The following ANO4 variants were observed in gnomAD, a reference collection of about 807,000 sequenced individuals.
ANO4 encodes the protein anoctamin 4, also known as anoctamin-4.
Under a neutral mutation model 141.9 loss-of-function variants are expected in ANO4, and 69 were observed. The observed-to-expected ratio is 0.49, with a 90% CI of 0.40 to 0.59. The LOEUF (loss-of-function observed/expected upper bound fraction) is 0.59, where lower values mean the gene tolerates loss of function less well. Among genes scored for constraint, ANO4 ranks in the 20% least tolerant of loss-of-function variants. The probability of loss-of-function intolerance (pLI) is 0.00; values close to 1 mark genes in which losing one functional copy is unlikely to be tolerated. For missense variants in ANO4, 894 were observed against 1,162.2 expected, an observed-to-expected ratio of 0.77 and a Z score of 3.36; for synonymous variants, 350 against 394.3, an observed-to-expected ratio of 0.89 and a Z score of 1.33.
chr12:101,073,152 A>G (rs2048888887), intron 14 of ANO4, among the ~76,000 whole-genome samples: 1 of 152,182 alleles, frequency 6.6e-6, no homozygotes, highest in Non-Finnish European at 1.5e-5. Context: ...TTGCGGCACT[A>G]TTCACAATAG....
chr12:101,067,233 G>A (rs1307539576), intron 14 of ANO4, among the ~76,000 whole-genome samples: 2 of 152,164 alleles, frequency 1.3e-5, no homozygotes, highest in Non-Finnish European at 2.9e-5. Context: ...TTGAGGTAAT[G>A]CATACAGGCT....
rs750104788 is a variant in ANO4, at chr12:101,127,058, C to T, written c.2856C>T (p.Asn952=). The T allele has an allele frequency of 1.4e-5, 23 of 1,612,928 alleles. No individual in the cohort carries two copies. The highest frequency in any genetic ancestry group is 5.0e-5 in the Admixed American group (3 of 59,812). ...AGAAGAATGGAAAAGCACACCACAA[C>T]GAGTGGCCGTGACCATGTAGGTGAG... The part of the protein sequence containing the change: ...ERKKNGKAHH[N]EWP The change falls in exon 27 of 28, where the codon AAC becomes AAT. Residue 952 remains asparagine (N), a synonymous_variant. Coordinates refer to ENST00000392977, the MANE Select transcript of ANO4 (RefSeq NM_001286615.2).
At chr12:100,794,214 T>C (rs2034164406), upstream of ANO4, among the ~76,000 whole-genome samples, 1 of 152,126 alleles carries the variant, frequency 6.6e-6, no homozygotes, top group South Asian at 2.1e-4. Context: ...ACTTTGGGCA[T>C]AAAGAAGCTT....
chr12:100,981,449 A>AGGAC (rs2044456047), intron 7 of ANO4, among the ~76,000 whole-genome samples: 1 of 151,648 alleles, frequency 6.6e-6, no homozygotes, highest in Admixed American at 6.6e-5. Flanking sequence ...GAAGGAAGGA[A>AGGAC]GGAAGGAAGG....
In ANO4 at chr12:100,939,594, A is replaced by G. The variant is rs1193534155; in HGVS notation, c.297+143A>G. On this transcript the variant is annotated intron_variant, in intron 4 of 27. Coordinates refer to ENST00000392977, the MANE Select transcript of ANO4 (RefSeq NM_001286615.2). ...AAGGGACAGGTTTTATATTCCTTTG[A>G]CATCCCCCATGTCTAAGCATATTTC... 29 of 880,974 alleles carry G rather than the reference A, an allele frequency of 3.3e-5. No individual in the cohort carries two copies. The East Asian group carries it at 7.5e-4, about 23-fold the overall frequency. 54.6% of individuals were successfully genotyped at this position (880,974 alleles called of 1,614,324 possible).
intron 9 of ANO4, among the ~76,000 whole-genome samples, chr12:101,021,110 A>C (rs903758124): frequency 6.6e-6 from 1 of 152,224 alleles, no homozygotes; most frequent in African/African-American, 2.4e-5. Context: ...GCTAAGCTGC[A>C]GATCCTGCTG....
intron 4 of ANO4, 70 bp from the exon 5 acceptor site, chr12:100,942,307 C>G: frequency 6.5e-7 from 1 of 1,533,602 alleles, no homozygotes; most frequent in Non-Finnish European, 8.8e-7. Context: ...TTTAATTGTT[C>G]TTTAACATTA....
intron 1 of ANO4, among the ~76,000 whole-genome samples, chr12:100,818,594 T>A: frequency 6.6e-6 from 1 of 152,040 alleles, no homozygotes; most frequent in African/African-American, 2.4e-5. Flanking sequence ...ATGGGAGAAA[T>A]AGGCACTGTT....
At chr12:101,014,701 A>G (rs775360148) in intron 8 of ANO4, among the ~76,000 whole-genome samples, 23 of 152,222 alleles carry the variant, frequency 1.5e-4, no homozygotes, top group Admixed American at 5.9e-4. Context: ...ATGTGTGGAT[A>G]TAGGCCTTGA....
At position 101,097,904 on chromosome 12, in the gene ANO4, G is replaced by A. The variant is rs771830209; in HGVS notation, c.1965G>A (p.Val655=). Residue 655 remains valine (V), a synonymous_variant, in exon 21 of 28, where the codon GTG becomes GTA. Transcript: ENST00000392977. ...DLCMQMGIIM[V]LKQTWNNFME... ...GTATGCAAATGGGTATTATAATGGT[G>A]CTAAAGCAGACCTGGAATAATTTCA... 6.2e-7 allele frequency: 1 copy of A among 1,613,824 alleles called. No individual in the cohort carries two copies.
At chr12:100,750,638 G>A (rs926570497) in intron 3 of ANO4, among the ~76,000 whole-genome samples, 5 of 152,174 alleles carry the variant, frequency 3.3e-5, no homozygotes, top group Middle Eastern at 3.4e-3. Flanking sequence ...ATCAAAACAC[G>A]CCTCTGAGTT....
At chr12:101,123,832 G>A (rs1026738379) in intron 26 of ANO4, among the ~76,000 whole-genome samples, 5 of 151,960 alleles carry the variant, frequency 3.3e-5, no homozygotes, top group African/African-American at 7.3e-5. Flanking sequence ...TCTAATAAGC[G>A]CCATACTGAC....
intron 11 of ANO4, 39 bp from the exon 12 acceptor site, chr12:101,042,295 A>G: frequency 6.2e-7 from 1 of 1,612,630 alleles, no homozygotes; most frequent in Non-Finnish European, 8.5e-7. Context: ...AACTTTACAC[A>G]CTGCACTGTA....
At chr12:100,787,500 C>T (rs769999586) in intron 3 of ANO4, among the ~76,000 whole-genome samples, 13 of 152,084 alleles carry the variant, frequency 8.5e-5, no homozygotes, top group Non-Finnish European at 1.6e-4. Context: ...CACAGTAAGA[C>T]GCAGAGGAGA....
At chr12:100,875,710 A>G (rs988400465) in intron 1 of ANO4, among the ~76,000 whole-genome samples, 6 of 152,236 alleles carry the variant, frequency 3.9e-5, no homozygotes, top group South Asian at 4.1e-4. Context: ...GGTAAAGTCA[A>G]TAGGATTTGC....
chr12:100,742,577 G>A (rs925476989), intron 3 of ANO4, among the ~76,000 whole-genome samples: 1 of 152,120 alleles, frequency 6.6e-6, no homozygotes, highest in Admixed American at 6.5e-5. Flanking sequence ...GACTGATATA[G>A]AGGAGCTGAC....
At chr12:100,785,330 T>G (rs1281466586) in intron 3 of ANO4, among the ~76,000 whole-genome samples, 1 of 152,212 alleles carries the variant, frequency 6.6e-6, no homozygotes, top group Non-Finnish European at 1.5e-5. Context: ...TATAAAGACA[T>G]GCATCCACCA....
intron 14 of ANO4, among the ~76,000 whole-genome samples, chr12:101,055,119 G>GA (rs2048055736): frequency 6.6e-6 from 1 of 152,160 alleles, no homozygotes; most frequent in Non-Finnish European, 1.5e-5. Flanking sequence ...AATAAACCTA[G>GA]AAACTATTGG....
At chr12:100,914,261 G>A (rs911707313) in intron 2 of ANO4, among the ~76,000 whole-genome samples, 2 of 152,236 alleles carry the variant, frequency 1.3e-5, no homozygotes, top group Non-Finnish European at 1.5e-5. Flanking sequence ...GGCCGATGCA[G>A]TAGAATTATT....
Sources: gnomAD v4.1 joint callset for allele counts (sites outside exome capture counted in the v4.1 genomes callset) on GRCh38, gnomAD v4.1.1 for gene constraint, MANE v1.5 for transcripts, NCBI Gene and HGNC (gene_info 2026-07-23, HGNC 2026-07-21) for gene names.